NAA15: variants seen among roughly 807,000 people sequenced by gnomAD.
The protein encoded by NAA15 is N-alpha-acetyltransferase 15, NatA auxiliary subunit.
A neutral mutation model predicts 114.0 loss-of-function variants in NAA15; 34 were observed. The ratio of observed to expected loss-of-function variants is 0.30; its 90% confidence interval spans 0.23 to 0.40. The LOEUF (loss-of-function observed/expected upper bound fraction) is 0.40, where lower values mean the gene tolerates loss of function less well. NAA15 is among the 10% of genes least tolerant of loss of function. The pLI is 1.00. For missense variants in NAA15, 658 were observed against 1,004.5 expected (o/e 0.66, Z 4.66); for synonymous variants, 340 against 338.0 (o/e 1.01, Z -0.06).
intron 1 of NAA15, among the ~76,000 whole-genome samples, chr4:139,329,577 T>G (rs1466821456): frequency 6.6e-6 from 1 of 152,170 alleles, no homozygotes; most frequent in Non-Finnish European, 1.5e-5. Context: ...AGGAATGACC[T>G]TTTTGCAGTA....
chr4:139,344,746 A>T (rs900760290), intron 6 of NAA15, among the ~76,000 whole-genome samples: 2 of 152,210 alleles, frequency 1.3e-5, no homozygotes, highest in East Asian at 1.9e-4. Flanking sequence ...ATATATATTG[A>T]TGAATCAGTC....
At chr4:139,318,076 A>C (rs1746472077) in intron 1 of NAA15, among the ~76,000 whole-genome samples, 1 of 152,206 alleles carries the variant, frequency 6.6e-6, no homozygotes, top group Non-Finnish European at 1.5e-5. Flanking sequence ...TGCTAGTAAG[A>C]CCATATATGT....
At chr4:139,381,640 TTGTAC>T (rs1305299223) in intron 17 of NAA15, among the ~76,000 whole-genome samples, 1 of 152,154 alleles carries the variant, frequency 6.6e-6, no homozygotes, top group Non-Finnish European at 1.5e-5. Context: ...ACTTACTCGG[TTGTAC>T]TATAACCTAG....
At chr4:139,304,808 G>A (rs1388695714) in intron 1 of NAA15, among the ~76,000 whole-genome samples, 1 of 152,070 alleles carries the variant, frequency 6.6e-6, no homozygotes, top group Non-Finnish European at 1.5e-5. Flanking sequence ...CCCCTCTGTT[G>A]CCCTTTTAGA....
At position 139,384,604 on chromosome 4, in the gene NAA15, T is replaced by C. The variant is rs547200660; in HGVS notation, c.2156-228T>C. On this transcript the variant is annotated intron_variant, in intron 17 of 19. Transcript: ENST00000296543. ...CCTCATCATTAGGTAATTTAACTCC[T>C]ATAGGCTGGGTGTGGTGGTGCACAC... 2.6e-5 allele frequency among the ~76,000 whole-genome samples: 4 copies of C among 152,232 alleles called. No individual in the cohort carries two copies. In the East Asian group the frequency reaches 7.8e-4, roughly 30 times the overall value.
Position 139,301,652 on chromosome 4 carries a change from G to A in NAA15, c.-126G>A. The A allele has an allele frequency of 8.9e-7, 1 of 1,123,612 alleles. No homozygotes were observed. The highest frequency in any genetic ancestry group is 1.5e-5 in the South Asian group (1 of 68,338). 69.6% of individuals were successfully genotyped at this position (1,123,612 alleles called of 1,614,324 possible). ...GGTAGGGCAACGCGGCGACACCCGA[G>A]GCCTGGTGGTGGCGGCGGATCGAGA... On this transcript the variant is annotated 5_prime_UTR_variant, in exon 1 of 20. Coordinates refer to ENST00000296543, the MANE Select transcript of NAA15 (RefSeq NM_057175.5).
intron 3 of NAA15, among the ~76,000 whole-genome samples, chr4:139,338,700 G>A (rs1171686835): frequency 6.6e-6 from 1 of 151,918 alleles, no homozygotes; most frequent in African/African-American, 2.4e-5. Flanking sequence ...CACCCATCTT[G>A]GCCTTCGAAA....
At chr4:139,331,617 ATTT>A (rs34467609) in intron 1 of NAA15, among the ~76,000 whole-genome samples, 1 of 127,862 alleles carries the variant, frequency 7.8e-6, no homozygotes, top group Non-Finnish European at 1.6e-5. Flanking sequence ...TGCCCGGCTA[ATTT>A]TTTTTTTTTT....
chr4:139,348,344 C>T (rs1024817257), intron 6 of NAA15, among the ~76,000 whole-genome samples: 1 of 151,502 alleles, frequency 6.6e-6, no homozygotes, highest in Non-Finnish European at 1.5e-5. Context: ...GTTCCAGCTA[C>T]TAGGGAGGCT....
At chr4:139,376,306 A>T (rs1748579001) in intron 15 of NAA15, 59 bp from the exon 16 acceptor site, 1 of 1,079,458 alleles carries the variant, frequency 9.3e-7, no homozygotes, top group Admixed American at 2.3e-5. Flanking sequence ...TTAGTAGAAT[A>T]AAATCACATT....
intron 1 of NAA15, among the ~76,000 whole-genome samples, chr4:139,308,096 A>G (rs983456910): frequency 2.6e-5 from 4 of 151,596 alleles, no homozygotes; most frequent in Non-Finnish European, 2.9e-5. Context: ...TGAGTAGCTG[A>G]GACTACAGGC....
At position 139,351,514 on chromosome 4, in the gene NAA15, T is replaced by C; in HGVS notation, c.917T>C (p.Phe306Ser). 6.3e-7 allele frequency: 1 copy of C among 1,591,232 alleles called. No homozygotes were observed. The highest frequency in any genetic ancestry group is 1.1e-5 in the South Asian group (1 of 90,262). ...ATTTTTCTCTTCCAAGGTGAGAAGTTTAAAGAATGTTTGGATAAGTTCCTA... is the reference window on the plus strand; with the variant it reads ...ATTTTTCTCTTCCAAGGTGAGAAGTCTAAAGAATGTTTGGATAAGTTCCTA... ...LPLNFLSGEK[F>S]KECLDKFLRM... The change falls in exon 9 of 20, where the codon TTT becomes TCT. Residue 306 changes from phenylalanine to serine, a missense_variant. Coordinates refer to ENST00000296543, the MANE Select transcript of NAA15 (RefSeq NM_057175.5).
chr4:139,346,140 G>A (rs140080803), intron 6 of NAA15, among the ~76,000 whole-genome samples: 2 of 152,286 alleles, frequency 1.3e-5, no homozygotes, highest in Non-Finnish European at 2.9e-5. Flanking sequence ...TAGAGAGAAT[G>A]TCATGTGGTA....
intron 9 of NAA15, among the ~76,000 whole-genome samples, chr4:139,352,682 TTTGA>T (rs1403294669): frequency 5.0e-4 from 75 of 149,518 alleles, no homozygotes; most frequent in African/African-American, 1.8e-3. Context: ...TTTTTTTTTT[TTTGA>T]GACGGAGTTT....
intron 15 of NAA15, among the ~76,000 whole-genome samples, chr4:139,374,552 A>T (rs1350636568): frequency 1.3e-5 from 2 of 152,124 alleles, no homozygotes; most frequent in Non-Finnish European, 2.9e-5. Flanking sequence ...TTATATTTTT[A>T]TATCTGCCTG....
chr4:139,342,706 C>G (rs1747449211), intron 4 of NAA15, 120 bp from the exon 5 acceptor site: 1 of 868,346 alleles, frequency 1.2e-6, no homozygotes, highest in Non-Finnish European at 1.8e-6. Context: ...CCTTAGCCTC[C>G]CAAAGTGCTG....
intron 1 of NAA15, among the ~76,000 whole-genome samples, chr4:139,311,458 G>T (rs986085079): frequency 2.0e-5 from 3 of 151,948 alleles, no homozygotes; most frequent in Non-Finnish European, 4.4e-5. Context: ...GTACATTAGT[G>T]TATGAAATAA....
chr4:139,341,590 T>G (rs1747391225), intron 4 of NAA15, among the ~76,000 whole-genome samples: 1 of 51,072 alleles, frequency 2.0e-5, no homozygotes, highest in Non-Finnish European at 3.3e-5. Context: ...CGAAACTCTG[T>G]CTCAAAAAAA....
At position 139,359,809 on chromosome 4, in the gene NAA15, A is replaced by C; in HGVS notation, c.1324A>C (p.Arg442=). ...GGCCCAGGCCTTGGACACAGCAGACAGATTTATCAACTCCAAATGTGCAAA... is the reference window on the plus strand; with the variant it reads ...GGCCCAGGCCTTGGACACAGCAGACCGATTTATCAACTCCAAATGTGCAAA... ...DEAQALDTAD[R]FINSKCAKYM... The change falls in exon 12 of 20, where the codon AGA becomes CGA. Residue 442 remains arginine, a synonymous_variant. Coordinates refer to ENST00000296543, the MANE Select transcript of NAA15 (RefSeq NM_057175.5). 2 of 1,608,264 alleles carry C rather than the reference A, an allele frequency of 1.2e-6. No individual in the cohort carries two copies. The highest frequency in any genetic ancestry group is 8.5e-7 in the Non-Finnish European group (1 of 1,178,958).
Sources: allele counts gnomAD v4.1 joint callset (sites outside exome capture counted in the v4.1 genomes callset), GRCh38; gene constraint gnomAD v4.1.1; transcripts MANE v1.5; gene names NCBI Gene and HGNC (gene_info 2026-07-23, HGNC 2026-07-21).